Variants in PTPN14 observed in about 807,000 individuals in gnomAD.
The protein encoded by PTPN14 is protein tyrosine phosphatase non-receptor type 14.
In PTPN14, 53 loss-of-function variants were observed where a neutral mutation model predicts 126.8. The observed-to-expected ratio is 0.42, with a 90% CI of 0.34 to 0.53. The LOEUF (loss-of-function observed/expected upper bound fraction) is 0.53. Among genes scored for constraint, PTPN14 ranks in the 20% least tolerant of loss-of-function variants. PTPN14 has a pLI of 0.08. For synonymous variants in PTPN14, 630 were observed against 599.3 expected, an observed-to-expected ratio of 1.05 and a Z score of -0.75; for missense variants, 1,257 against 1,552.9, an observed-to-expected ratio of 0.81 and a Z score of 3.20.
Position 214,384,495 on chromosome 1 carries a change from T to C in PTPN14, c.1360A>G (p.Arg454Gly). 1 of 1,614,130 alleles carries C rather than the reference T, an allele frequency of 6.2e-7. No homozygotes were observed. ...DYETVMRQMK[R>G]GILHTDSQSQ... Reference sequence around the variant, plus strand: ...TGGCTGTCTGTATGCAGGATCCCCCTCTTCATCTGGCGCATGACTGTCTCA... The same window carrying C: ...TGGCTGTCTGTATGCAGGATCCCCCCCTTCATCTGGCGCATGACTGTCTCA... Residue 454 changes from arginine to glycine, a missense_variant, in exon 13 of 19, where the codon AGG becomes GGG. Coordinates refer to ENST00000366956, the MANE Select transcript of PTPN14 (RefSeq NM_005401.5). The surrounding 1 kb of genome is among the most constrained non-coding windows in gnomAD (Gnocchi z 5.3).
chr1:214,380,345 C>T (rs1658443783), intron 13 of PTPN14, among the ~76,000 whole-genome samples: 1 of 152,166 alleles, frequency 6.6e-6, no homozygotes, highest in South Asian at 2.1e-4. Flanking sequence ...AGGATTATTA[C>T]TCAGTGATAA....
At chr1:214,477,494 A>G (rs188355188) in intron 1 of PTPN14, among the ~76,000 whole-genome samples, 47 of 152,336 alleles carry the variant, frequency 3.1e-4, no homozygotes, top group African/African-American at 1.1e-3. Context: ...TGTACTAAGT[A>G]GCTCTCAGTG....
At chr1:214,388,178 CTAATG>C (rs1169605023) in intron 11 of PTPN14, among the ~76,000 whole-genome samples, 1 of 152,210 alleles carries the variant, frequency 6.6e-6, no homozygotes, top group Non-Finnish European at 1.5e-5. Flanking sequence ...CGGTTATGCA[CTAATG>C]TAATCTAGAG....
At chr1:214,402,288 A>T (rs541607838) in intron 6 of PTPN14, among the ~76,000 whole-genome samples, 1 of 151,566 alleles carries the variant, frequency 6.6e-6, no homozygotes, top group Non-Finnish European at 1.5e-5. Context: ...AAATACAAAA[A>T]TTAGCTGGGT....
Position 214,366,781 on chromosome 1 carries a change from C to T in PTPN14, c.3272-2106G>A, listed in dbSNP as rs1021509428. ...CAGCACTTTGGGAGGCCGAGGCAGG[C>T]GGATCACGAGGTCAGGAGATGGAGA... is the stretch of plus-strand genomic sequence containing the variant. On this transcript the variant is annotated intron_variant, in intron 17 of 18. Transcript: ENST00000366956. Among the ~76,000 whole-genome samples, 40 of 151,950 alleles carry T rather than the reference C, an allele frequency of 2.6e-4. 1 individual carries two copies. Among genetic ancestry groups the T allele is most frequent in the South Asian group, 1.0e-3 (5 of 4,800 alleles).
chr1:214,544,209 T>A (rs1655912547), intron 1 of PTPN14, among the ~76,000 whole-genome samples: 1 of 152,184 alleles, frequency 6.6e-6, no homozygotes, highest in Non-Finnish European at 1.5e-5. Context: ...GAGGATCGCT[T>A]GAGCCCAGGA....
chr1:214,443,553 G>A (rs1337046188), intron 3 of PTPN14, among the ~76,000 whole-genome samples: 1 of 151,868 alleles, frequency 6.6e-6, no homozygotes, highest in African/African-American at 2.4e-5. Context: ...AGAATAAATC[G>A]CAAGATAACA....
At chr1:214,535,678 T>C (rs1295365476) in intron 1 of PTPN14, among the ~76,000 whole-genome samples, 4 of 151,344 alleles carry the variant, frequency 2.6e-5, no homozygotes, top group Non-Finnish European at 4.4e-5. Context: ...ACTTAGGAGG[T>C]TGAGGCAGGA....
chr1:214,393,666 A>C, intron 10 of PTPN14, 29 bp downstream of exon 10: 1 of 1,401,368 alleles, frequency 7.1e-7, no homozygotes, highest in Non-Finnish European at 9.6e-7. Flanking sequence ...CAAAGCCATC[A>C]AGTCGGGGGG....
At chr1:214,394,862 T>G in intron 9 of PTPN14, 37 bp downstream of exon 9, 1 of 1,565,112 alleles carries the variant, frequency 6.4e-7, no homozygotes, top group Non-Finnish European at 8.8e-7. Flanking sequence ...AAAGCCAGTG[T>G]CTTGTCAGAC....
intron 2 of PTPN14, among the ~76,000 whole-genome samples, chr1:214,463,099 G>A (rs4284238): frequency 0.83 from 126,158 of 152,192 alleles, 52,396 homozygotes; most frequent in African/African-American, 0.89. Context: ...CAAGAGTCCA[G>A]TGCCTATACT....
rs369004547 is a variant in PTPN14, at chr1:214,422,782, A to G, written c.345-8056T>C. Among the ~76,000 whole-genome samples, 126 of 152,344 alleles carry G rather than the reference A, an allele frequency of 8.3e-4. 3 individuals are homozygous for G. In the South Asian group the frequency reaches 0.025, roughly 30 times the overall value. On this transcript the variant is annotated intron_variant, in intron 3 of 18. Coordinates refer to ENST00000366956, the MANE Select transcript of PTPN14 (RefSeq NM_005401.5). ...AAAGGCAAGAAGATCATCTCTGTGA[A>G]TGGGCACAAGTTCTTCCCTAGAATC...
intron 11 of PTPN14, among the ~76,000 whole-genome samples, chr1:214,388,370 G>A (rs1411632520): frequency 6.6e-6 from 1 of 151,920 alleles, no homozygotes; most frequent in Non-Finnish European, 1.5e-5. Context: ...ACGTTTGTAA[G>A]CCACCGAACA....
At chr1:214,474,802 T>C (rs1398078779) in intron 1 of PTPN14, among the ~76,000 whole-genome samples, 1 of 152,140 alleles carries the variant, frequency 6.6e-6, no homozygotes, top group African/African-American at 2.4e-5. Flanking sequence ...CCCTGGTTAT[T>C]GTTTAAAAAG....
Position 214,383,870 on chromosome 1 carries a change from T to C in PTPN14, c.1985A>G (p.His662Arg), listed in dbSNP as rs1254162346. The C allele has an allele frequency of 1.2e-6, 2 of 1,611,748 alleles. No homozygotes were observed. Among genetic ancestry groups the C allele is most frequent in the Non-Finnish European group, 1.7e-6 (2 of 1,179,812 alleles). The change falls in exon 13 of 19, where the codon CAC becomes CGC. Residue 662 changes from histidine (H) to arginine (R), a missense_variant. Around this residue, in one of 3 missense-constraint regions of PTPN14, gnomAD observed 1,021 missense variants for 1,183.3 expected, o/e 0.86. Coordinates refer to ENST00000366956, the MANE Select transcript of PTPN14 (RefSeq NM_005401.5). This position sits in a 1 kb window ranked among gnomAD's most constrained non-coding sequence, Gnocchi z 4.4. Reference protein sequence around the residue: ...GMEAMTLKSLHLPMARRNTLR... With the variant: ...GMEAMTLKSLRLPMARRNTLR... ...CGTGTTGCGGCGAGCCATGGGGAGG[T>C]GGAGCGACTTGAGCGTCATGGCCTC...
At position 214,414,663 on chromosome 1, in the gene PTPN14, G is replaced by T; in HGVS notation, c.408C>A (p.Asp136Glu). The change falls in exon 4 of 19, where the codon GAC becomes GAA. Residue 136 changes from aspartate (D) to glutamate (E), a missense_variant. By Grantham distance (45) the Asp-to-Glu change is conservative. This residue lies in a region of PTPN14 where 1,021 missense variants were observed against 1,183.3 expected (regional missense o/e 0.86). Coordinates refer to ENST00000366956, the MANE Select transcript of PTPN14 (RefSeq NM_005401.5). The stretch of plus-strand genomic sequence containing the variant: ...CTAGGCCGGCTAGCCGAATCACCTG[G>T]TCCAATGTACATCGTAATCGCCCTT... ...VLEGRLRCTL[D>E]QVIRLAGLAV... The T allele has an allele frequency of 1.2e-6, 2 of 1,614,048 alleles. No individual in the cohort carries two copies. The highest frequency in any genetic ancestry group is 8.5e-7 in the Non-Finnish European group (1 of 1,179,952).
At chr1:214,386,529 T>C (rs1658614323) in intron 12 of PTPN14, among the ~76,000 whole-genome samples, 2 of 152,340 alleles carry the variant, frequency 1.3e-5, no homozygotes, top group South Asian at 2.1e-4. Flanking sequence ...ATACTGGCAA[T>C]GAAGGTGAAG....
intron 11 of PTPN14, among the ~76,000 whole-genome samples, chr1:214,388,035 G>T (rs1658663241): frequency 6.6e-6 from 1 of 152,168 alleles, no homozygotes; most frequent in South Asian, 2.1e-4. Flanking sequence ...GTCTGTTAAA[G>T]ATGGCTATTT....
intron 1 of PTPN14, chr1:214,529,640 T>C (rs1655490350): frequency 6.6e-6 from 1 of 152,258 alleles, no homozygotes; most frequent in Non-Finnish European, 1.5e-5. Context: ...TCCCAGCACT[T>C]TGGGAGACTG....
Sources: allele counts gnomAD v4.1 joint callset (sites outside exome capture counted in the v4.1 genomes callset), GRCh38; gene constraint gnomAD v4.1.1; regional missense constraint gnomAD v4.1.1; non-coding constraint Gnocchi (gnomAD v3.1); transcripts MANE v1.5; gene names NCBI Gene and HGNC (gene_info 2026-07-23, HGNC 2026-07-21).